Variants in GTF2A1 observed in about 807,000 individuals in gnomAD.
GTF2A1 encodes transcription initiation factor IIA subunit 1.
GTF2A1 carries 12 observed loss-of-function variants against 54.1 expected under a neutral mutation model. That is an observed-to-expected ratio of 0.22 (90% CI 0.14 to 0.36). The LOEUF (loss-of-function observed/expected upper bound fraction) is 0.36, where lower values mean the gene tolerates loss of function less well. Among genes scored for constraint, GTF2A1 ranks in the 10% least tolerant of loss-of-function variants. GTF2A1 has a pLI of 1.00. For missense variants in GTF2A1, 335 were observed against 442.2 expected (o/e 0.76, Z 2.17); for synonymous variants, 145 against 152.0 (o/e 0.95, Z 0.34).
rs1250729070 is a variant in GTF2A1 at position 81,220,396 on chromosome 14, G to A, written c.30+93C>T. ...GCCGCGCGGGCGGCTGAAGAGTCGAGGCCGGGAGTCGCCGCCGTCCCCGCC... is the reference window on the plus strand; with the variant it reads ...GCCGCGCGGGCGGCTGAAGAGTCGAAGCCGGGAGTCGCCGCCGTCCCCGCC... On this transcript the variant is annotated intron_variant, in intron 1 of 8. Transcript: ENST00000553612. 4.4e-5 allele frequency: 36 copies of A among 824,860 alleles called. No individual in the cohort carries two copies. In the East Asian group the frequency reaches 9.7e-4, roughly 22 times the overall value. 51.1% of individuals were successfully genotyped at this position (824,860 alleles called of 1,614,324 possible).
At chr14:81,218,341 A>C (rs1388411293) in intron 1 of GTF2A1, among the ~76,000 whole-genome samples, 1 of 152,182 alleles carries the variant, frequency 6.6e-6, no homozygotes, top group Non-Finnish European at 1.5e-5. Flanking sequence ...TTTGTGCCTT[A>C]ATGAACTCAC....
intron 7 of GTF2A1, among the ~76,000 whole-genome samples, chr14:81,185,832 AT>A (rs909705522): frequency 1.3e-5 from 2 of 152,208 alleles, no homozygotes; most frequent in Non-Finnish European, 2.9e-5. Context: ...AAGCTATGTA[AT>A]TTTTAAGTCT....
chr14:81,201,307 T>C (rs544320245), intron 4 of GTF2A1, among the ~76,000 whole-genome samples: 2 of 152,336 alleles, frequency 1.3e-5, no homozygotes, highest in Admixed American at 1.3e-4. Flanking sequence ...TACTTGGCAT[T>C]ATAAGCTTGG....
intron 6 of GTF2A1, among the ~76,000 whole-genome samples, chr14:81,195,739 A>G (rs888990869): frequency 3.9e-5 from 6 of 152,070 alleles, no homozygotes. Context: ...ACCCACTTCC[A>G]GTAAGCATCA....
intron 7 of GTF2A1, among the ~76,000 whole-genome samples, chr14:81,190,105 C>G (rs1892843317): frequency 6.6e-6 from 1 of 151,924 alleles, no homozygotes. Context: ...TGTTAATCAA[C>G]TTGAAAATTT....
rs953960759 is a variant in GTF2A1, at chr14:81,200,341, A to G, written c.402+1253T>C. ...GCTTTTTGGTTTAAAAAAAAACTTG[A>G]GGCTGGGCGTGGTGGCTCACACCTG... On this transcript the variant is annotated intron_variant, in intron 4 of 8. Coordinates refer to ENST00000553612, the MANE Select transcript of GTF2A1 (RefSeq NM_015859.4). 8.5e-5 allele frequency among the ~76,000 whole-genome samples: 13 copies of G among 152,178 alleles called. 1 individual carries two copies. Among genetic ancestry groups the G allele is most frequent in the Admixed American group, 6.5e-4 (10 of 15,286 alleles).
At chr14:81,217,644 T>G (rs1462834774) in intron 1 of GTF2A1, among the ~76,000 whole-genome samples, 1 of 152,082 alleles carries the variant, frequency 6.6e-6, no homozygotes, top group Non-Finnish European at 1.5e-5. Context: ...CACAAAAAAT[T>G]AGCCAGGAGT....
intron 4 of GTF2A1, among the ~76,000 whole-genome samples, chr14:81,199,686 T>C (rs1039019834): frequency 6.6e-6 from 1 of 152,166 alleles, no homozygotes; most frequent in African/African-American, 2.4e-5. Context: ...TCAATTTTCC[T>C]GAGTAACTGA....
intron 7 of GTF2A1, among the ~76,000 whole-genome samples, chr14:81,186,032 T>C (rs745930773): frequency 9.2e-5 from 14 of 152,204 alleles, no homozygotes; most frequent in Non-Finnish European, 1.6e-4. Flanking sequence ...TTTGTGTTTT[T>C]AGTACAGACG....
intron 2 of GTF2A1, among the ~76,000 whole-genome samples, chr14:81,210,271 C>A (rs965952732): frequency 1.3e-4 from 20 of 152,074 alleles, no homozygotes; most frequent in African/African-American, 4.6e-4. Flanking sequence ...CTTATAATGC[C>A]AATTACCAAA....
chr14:81,202,575 A>G (rs1351995130), intron 3 of GTF2A1: 2 of 476,072 alleles, frequency 4.2e-6, no homozygotes, highest in Non-Finnish European at 8.3e-6. Flanking sequence ...TTCGGCATCA[A>G]TATGGTGGCC....
At chr14:81,210,599 G>C (rs967597515) in intron 2 of GTF2A1, among the ~76,000 whole-genome samples, 1 of 152,018 alleles carries the variant, frequency 6.6e-6, no homozygotes, top group Non-Finnish European at 1.5e-5. Context: ...TTGTTGTCCG[G>C]GCTGGAGTGC....
intron 6 of GTF2A1, among the ~76,000 whole-genome samples, chr14:81,193,420 A>G (rs1269081461): frequency 6.6e-6 from 1 of 152,082 alleles, no homozygotes; most frequent in Non-Finnish European, 1.5e-5. Context: ...CCGCCTCCCA[A>G]AGTGCTGGGA....
At chr14:81,216,945 C>G (rs1224945106) in intron 1 of GTF2A1, among the ~76,000 whole-genome samples, 1 of 152,182 alleles carries the variant, frequency 6.6e-6, no homozygotes, top group Non-Finnish European at 1.5e-5. Context: ...TGGTAATAAT[C>G]TGCAACCTAA....
rs921386977 is a variant in GTF2A1, at chr14:81,175,657, C to A, written c.*4566G>T. 1 of 152,096 alleles carries A rather than the reference C, an allele frequency of 6.6e-6. No homozygotes were observed. The highest frequency in any genetic ancestry group is 2.1e-4 in the South Asian group (1 of 4,834). The allele number at this position is 152,096 out of a possible 1,614,324, so 9.4% of individuals were successfully genotyped here. ...AATATATTCAATACGCAATACAAAC[C>A]TCAGTAATCCAATTCTCCTAATATG... is the stretch of plus-strand genomic sequence containing the variant. On this transcript the variant is annotated 3_prime_UTR_variant, in exon 9 of 9. Coordinates refer to ENST00000553612, the MANE Select transcript of GTF2A1 (RefSeq NM_015859.4).
intron 2 of GTF2A1, among the ~76,000 whole-genome samples, chr14:81,208,909 T>C (rs1457875311): frequency 2.6e-5 from 4 of 152,238 alleles, no homozygotes; most frequent in Non-Finnish European, 5.9e-5. Context: ...TGTACCCCCA[T>C]TGTATCTAGG....
chr14:81,202,630 C>G (rs542485747), intron 3 of GTF2A1: 1 of 511,744 alleles, frequency 2.0e-6, no homozygotes, highest in East Asian at 5.5e-5. Flanking sequence ...AGTGGTAAAC[C>G]GGCAAAAGTC....
intron 2 of GTF2A1, 40 bp from the exon 3 acceptor site, chr14:81,204,144 A>C (rs1046530069): frequency 7.7e-7 from 1 of 1,298,286 alleles, no homozygotes; most frequent in African/African-American, 1.4e-5. Context: ...GTGAAAAATA[A>C]CTCTGGACAG....
chr14:81,199,699 T>C (rs1279224468), intron 4 of GTF2A1, among the ~76,000 whole-genome samples: 1 of 152,176 alleles, frequency 6.6e-6, no homozygotes, highest in Non-Finnish European at 1.5e-5. Flanking sequence ...GTAACTGACC[T>C]ATGATTTGTT....
Sources: gnomAD v4.1 joint callset for allele counts (sites outside exome capture counted in the v4.1 genomes callset) on GRCh38, gnomAD v4.1.1 for gene constraint, MANE v1.5 for transcripts, NCBI Gene and HGNC (gene_info 2026-07-23, HGNC 2026-07-21) for gene names.